DENND2C: variants seen among roughly 807,000 people sequenced by gnomAD.
DENND2C encodes the protein DENN domain-containing protein 2C.
In DENND2C, 72 loss-of-function variants were observed where a neutral mutation model predicts 112.4. The observed-to-expected ratio is 0.64, with a 90% confidence interval of 0.53 to 0.78. DENND2C has a LOEUF of 0.78. Among genes scored for constraint, DENND2C ranks in the 30% least tolerant of loss-of-function variants. DENND2C has a pLI of 0.00. For synonymous variants in DENND2C, 329 were observed against 381.6 expected, an observed-to-expected ratio of 0.86 and a Z score of 1.61; for missense variants, 992 against 1,113.8, an observed-to-expected ratio of 0.89 and a Z score of 1.56.
In DENND2C at chr1:114,626,559, G is replaced by A. The variant is rs1043285491; in HGVS notation, c.-204-371C>T. On this transcript the variant is annotated intron_variant, in intron 3 of 20. Transcript: ENST00000393274. ...AGAGTCTCGCTCTGTCACTAAGTCT[G>A]GAGTGCAGTGGTGGTGATCTTGGCT... Among the ~76,000 whole-genome samples the A allele has an allele frequency of 2.3e-5, 3 of 128,966 alleles. No individual in the cohort carries two copies. The Admixed American group carries it at 2.8e-4, about 12-fold the overall frequency. The allele number at this position is 128,966 out of a possible 152,430, so 84.6% of individuals were successfully genotyped here. A position where few individuals can be genotyped will look rare whatever the true frequency, so the allele number is the denominator to read the frequency against.
At position 114,619,942 on chromosome 1, in the gene DENND2C, G is replaced by A. The variant is rs566163147; in HGVS notation, c.1228-1460C>T. Among the ~76,000 whole-genome samples the A allele has an allele frequency of 3.3e-5, 5 of 152,224 alleles. No homozygotes were observed. In the South Asian group the frequency reaches 6.2e-4, roughly 19 times the overall value. On this transcript the variant is annotated intron_variant, in intron 7 of 20. Transcript: ENST00000393274. ...TAGAATATTCTTCCTAAGAAATGAC[G>A]GAAATCATACTGCTGTACACACAAC...
Position 114,625,584 on chromosome 1 carries a change from G to C in DENND2C, c.401C>G (p.Pro134Arg). 1 of 1,614,062 alleles carries C rather than the reference G, an allele frequency of 6.2e-7. No individual in the cohort carries two copies. Among genetic ancestry groups the C allele is most frequent in the Non-Finnish European group, 8.5e-7 (1 of 1,179,992 alleles). ...GTTTCCTGGAGGTAATGAAGTCTCT[G>C]GATCTAAGACATCTTCTTTACAGCT... ...IESCKEDVLD[P>R]ETSLPPGNFY... The change falls in exon 4 of 21, where the codon CCA becomes CGA. Residue 134 changes from proline (P) to arginine (R), a missense_variant. By Grantham distance (103) the Pro-to-Arg change is moderately radical (BLOSUM62 -2). This residue lies in a region of DENND2C where 470 missense variants were observed against 472.7 expected (regional missense o/e 0.99). Coordinates refer to ENST00000393274, the MANE Select transcript of DENND2C (RefSeq NM_001256404.2).
Position 114,654,695 on chromosome 1 carries a change from G to A in DENND2C, c.-507C>T, listed in dbSNP as rs796431579. On this transcript the variant is annotated 5_prime_UTR_variant, in exon 2 of 21. It introduces an in-frame stop codon into an upstream open reading frame of the 5' UTR. Transcript: ENST00000393274. The stretch of plus-strand genomic sequence containing the variant: ...GGGGTACTATATAAGATTAAGTTTT[G>A]GTACATACAGCCGGAACTGGAAATA... The A allele has an allele frequency of 3.2e-4, 48 of 150,746 alleles. No homozygotes were observed. Among genetic ancestry groups the A allele is most frequent in the African/African-American group, 1.1e-3 (44 of 40,946 alleles). 9.3% of individuals were successfully genotyped at this position (150,746 alleles called of 1,614,324 possible). A position where few individuals can be genotyped will look rare whatever the true frequency, so the allele number is the denominator to read the frequency against.
At chr1:114,616,816 T>C (rs1158055096) in intron 8 of DENND2C, among the ~76,000 whole-genome samples, 2 of 151,934 alleles carry the variant, frequency 1.3e-5, no homozygotes, top group South Asian at 2.1e-4. Context: ...GATCATGCCA[T>C]TGCACTCCAG....
In DENND2C at chr1:114,601,642, A is replaced by G; in HGVS notation, c.1738-57T>C. 3 of 1,429,238 alleles carry G rather than the reference A, an allele frequency of 2.1e-6. No individual in the cohort carries two copies. In the Admixed American group the frequency reaches 5.4e-5, roughly 26 times the overall value. The allele number at this position is 1,429,238 out of a possible 1,614,324, so 88.5% of individuals were successfully genotyped here. A position where few individuals can be genotyped will look rare whatever the true frequency, so the allele number is the denominator to read the frequency against. ...TCAAGCCGCATACATTTTTATTAAT[A>G]CTAATTTGGACTATTAATTATCTTT... On this transcript the variant is annotated intron_variant, in intron 12 of 20. Coordinates refer to ENST00000393274, the MANE Select transcript of DENND2C (RefSeq NM_001256404.2).
intron 4 of DENND2C, among the ~76,000 whole-genome samples, chr1:114,623,945 A>G (rs1478692570): frequency 6.6e-6 from 1 of 152,220 alleles, no homozygotes; most frequent in African/African-American, 2.4e-5. Context: ...CATGACCGCC[A>G]GGCTGGTCTT....
intron 3 of DENND2C, among the ~76,000 whole-genome samples, chr1:114,641,123 C>G (rs1284281257): frequency 6.6e-6 from 1 of 151,706 alleles, no homozygotes; most frequent in Admixed American, 6.6e-5. Flanking sequence ...GAAAGCCATT[C>G]CTAGGTGAAC....
At chr1:114,606,444 C>T (rs1277079872) in intron 10 of DENND2C, among the ~76,000 whole-genome samples, 1 of 152,012 alleles carries the variant, frequency 6.6e-6, no homozygotes, top group Non-Finnish European at 1.5e-5. Context: ...AAACATGTAA[C>T]TCAGGGTTAT....
intron 6 of DENND2C, 136 bp from the exon 7 acceptor site, chr1:114,622,201 T>G: frequency 1.1e-6 from 1 of 886,194 alleles, no homozygotes; most frequent in Non-Finnish European, 1.7e-6. Context: ...GCAGCCTTGA[T>G]CTCCTGAGCT....
intron 10 of DENND2C, 70 bp from the exon 11 acceptor site, chr1:114,605,101 G>C: frequency 1.7e-6 from 2 of 1,189,946 alleles, no homozygotes; most frequent in South Asian, 2.9e-5. Flanking sequence ...AAAAAACTCA[G>C]CCTTGTCTCA....
intron 11 of DENND2C, among the ~76,000 whole-genome samples, 166 bp downstream of exon 11, chr1:114,604,756 C>A (rs1655611494): frequency 6.6e-6 from 1 of 151,614 alleles, no homozygotes; most frequent in African/African-American, 2.4e-5. Context: ...TTTTTTAAGC[C>A]CCACATAGGA....
intron 3 of DENND2C, among the ~76,000 whole-genome samples, chr1:114,634,339 T>A (rs547553070): frequency 3.3e-5 from 5 of 152,308 alleles, no homozygotes; most frequent in Middle Eastern, 3.4e-3. Flanking sequence ...TTCTTTCTTT[T>A]TTTTATTTTT....
intron 2 of DENND2C, among the ~76,000 whole-genome samples, chr1:114,647,084 C>G (rs537070204): frequency 4.2e-4 from 63 of 151,732 alleles, no homozygotes; most frequent in Non-Finnish European, 6.0e-4. Context: ...TGCTTCAACC[C>G]TGGAGGCACA....
Position 114,602,992 on chromosome 1 carries a change from G to A in DENND2C, c.1668-798C>T, listed in dbSNP as rs1295065474. Among the ~76,000 whole-genome samples the A allele has an allele frequency of 3.3e-5, 5 of 152,166 alleles. No individual in the cohort carries two copies. In the East Asian group the frequency reaches 9.6e-4, roughly 29 times the overall value. On this transcript the variant is annotated intron_variant, in intron 11 of 20. Coordinates refer to ENST00000393274, the MANE Select transcript of DENND2C (RefSeq NM_001256404.2). ...GAGAGGCTGTATAGAGCAGCAATAG[G>A]CAAAGGATTATATCCTTAATATGTA...
intron 16 of DENND2C, among the ~76,000 whole-genome samples, chr1:114,597,265 G>A (rs2101645363): frequency 6.6e-6 from 1 of 151,712 alleles, no homozygotes; most frequent in East Asian, 1.9e-4. Context: ...CCAACATGGT[G>A]AAACCCCGTC....
At chr1:114,610,995 T>G in intron 9 of DENND2C, 78 bp downstream of exon 9, 1 of 1,518,202 alleles carries the variant, frequency 6.6e-7, no homozygotes. Context: ...AAAAACATGC[T>G]TAGTCACAAA....
chr1:114,602,096 CCTGT>C (rs1557941544), intron 12 of DENND2C, 25 bp downstream of exon 12: 1 of 1,611,920 alleles, frequency 6.2e-7, no homozygotes, highest in Non-Finnish European at 8.5e-7. Context: ...CTTGACCAAC[CCTGT>C]CTGTAACACA....
At chr1:114,590,500 C>T (rs374530751) in intron 18 of DENND2C, among the ~76,000 whole-genome samples, 1 of 152,090 alleles carries the variant, frequency 6.6e-6, no homozygotes, top group African/African-American at 2.4e-5. Flanking sequence ...TGAACTTGGC[C>T]GGGCGCGGTG....
chr1:114,601,455 T>C, intron 13 of DENND2C, 53 bp downstream of exon 13: 1 of 1,550,050 alleles, frequency 6.5e-7, no homozygotes, highest in South Asian at 1.2e-5. Context: ...TGCCACTTAA[T>C]ATTAAGAGCT....
Sources: allele counts gnomAD v4.1 joint callset (sites outside exome capture counted in the v4.1 genomes callset), GRCh38; gene constraint gnomAD v4.1.1; regional missense constraint gnomAD v4.1.1; transcripts MANE v1.5; gene names NCBI Gene and HGNC (gene_info 2026-07-23, HGNC 2026-07-21).